VPS8: variants seen among roughly 807,000 people sequenced by gnomAD.
VPS8 encodes VPS8 subunit of CORVET complex.
In VPS8, 129 loss-of-function variants were observed where a neutral mutation model predicts 216.4. That is an observed-to-expected ratio of 0.60 (90% CI 0.52 to 0.69). The LOEUF (loss-of-function observed/expected upper bound fraction) is 0.69. Ranked by LOEUF, VPS8 falls within the 30% of genes least tolerant of loss-of-function variation. VPS8 has a pLI of 0.00. For synonymous variants in VPS8, 571 were observed against 565.4 expected (o/e 1.01, Z -0.14); for missense variants, 1,531 against 1,683.5 (o/e 0.91, Z 1.59).
chr3:184,962,691 C>A (rs971469682), intron 37 of VPS8, among the ~76,000 whole-genome samples: 1 of 148,888 alleles, frequency 6.7e-6, no homozygotes, highest in Non-Finnish European at 1.5e-5. Context: ...CTTTTAGTGA[C>A]TTCTGTTTTA....
At chr3:184,901,012 T>G in intron 25 of VPS8, 40 bp downstream of exon 25, 1 of 1,565,930 alleles carries the variant, frequency 6.4e-7, no homozygotes, top group South Asian at 1.2e-5. Flanking sequence ...CTTTCCTGTA[T>G]TTAAGGTATT....
intron 46 of VPS8, among the ~76,000 whole-genome samples, chr3:185,027,273 C>T (rs183007455): frequency 2.0e-3 from 261 of 128,846 alleles, no homozygotes; most frequent in African/African-American, 7.5e-3. Flanking sequence ...GACGGAGTCT[C>T]GCTCTGTCGC....
At chr3:184,972,098 A>C (rs898402729) in intron 40 of VPS8, among the ~76,000 whole-genome samples, 3 of 149,492 alleles carry the variant, frequency 2.0e-5, no homozygotes, top group African/African-American at 7.3e-5. Flanking sequence ...AAAAGCCTGT[A>C]CTTGTCTGAA....
chr3:184,825,855 C>G (rs1718645722), intron 2 of VPS8, among the ~76,000 whole-genome samples: 1 of 150,964 alleles, frequency 6.6e-6, no homozygotes, highest in Non-Finnish European at 1.5e-5. Context: ...GAGCTGAGAT[C>G]ACACCATTGC....
In VPS8 at chr3:184,993,963, T is replaced by TTGTA. The variant is rs1311159234; in HGVS notation, c.3586-19_3586-16dup. 5 of 1,513,690 alleles carry TTGTA rather than the reference T, an allele frequency of 3.3e-6. No individual in the cohort carries two copies. Among genetic ancestry groups the TTGTA allele is most frequent in the Non-Finnish European group, 3.6e-6 (4 of 1,126,416 alleles). 93.8% of individuals were successfully genotyped at this position (1,513,690 alleles called of 1,614,324 possible). On this transcript the variant is annotated intron_variant, in intron 42 of 47. Coordinates refer to ENST00000625842, the MANE Select transcript of VPS8 (RefSeq NM_001009921.3). The stretch of plus-strand genomic sequence containing the variant: ...TTTAAAATACAGAATTGTAACAGAA[T>TTGTA]TGTAATTTTTTCCGATTAGGATCCA...
chr3:184,897,049 G>T (rs1733629217), intron 23 of VPS8, among the ~76,000 whole-genome samples: 1 of 152,160 alleles, frequency 6.6e-6, no homozygotes, highest in African/African-American at 2.4e-5. Flanking sequence ...CTGGAGCTTG[G>T]TACAGAGGTA....
intron 46 of VPS8, among the ~76,000 whole-genome samples, chr3:185,035,142 G>A (rs1758704764): frequency 6.6e-6 from 1 of 152,070 alleles, no homozygotes; most frequent in Non-Finnish European, 1.5e-5. Flanking sequence ...AGACCAGATG[G>A]AGTCACAGCC....
At position 184,853,976 on chromosome 3, in the gene VPS8, A is replaced by G; in HGVS notation, c.941A>G (p.Gln314Arg). ...GAGTTGAAAGATCATCCCATCACAC[A>G]GTTTTCATTATTGGCCATGGCATCC... is the stretch of plus-strand genomic sequence containing the variant. ...KPELKDHPITQFSLLAMASLT... is the reference protein window; with the variant it reads ...KPELKDHPITRFSLLAMASLT... Residue 314 changes from glutamine to arginine, a missense_variant, in exon 12 of 48, where the codon CAG becomes CGG. This residue lies in a region of VPS8 where 1,318 missense variants were observed against 1,468.4 expected (regional missense o/e 0.90). Transcript: ENST00000625842. 1.2e-6 allele frequency: 2 copies of G among 1,613,744 alleles called. No individual in the cohort carries two copies. Among genetic ancestry groups the G allele is most frequent in the African/African-American group, 1.3e-5 (1 of 75,056 alleles).
At chr3:184,856,942 C>G (rs977460769) in intron 14 of VPS8, among the ~76,000 whole-genome samples, 2 of 152,178 alleles carry the variant, frequency 1.3e-5, no homozygotes, top group Non-Finnish European at 1.5e-5. Flanking sequence ...GGCTGACTCT[C>G]GAACTCCTGG....
At chr3:184,908,178 A>G (rs1735827907) in intron 25 of VPS8, among the ~76,000 whole-genome samples, 1 of 150,834 alleles carries the variant, frequency 6.6e-6, no homozygotes, top group Non-Finnish European at 1.5e-5. Flanking sequence ...GAGTTAGGGC[A>G]AAAAAAAATA....
intron 5 of VPS8, chr3:184,836,192 TAGAG>T: frequency 2.2e-6 from 1 of 449,558 alleles, no homozygotes. Flanking sequence ...TGAATTTAAA[TAGAG>T]AGATGCTCAA....
chr3:184,812,959 C>A (rs576396198), intron 1 of VPS8, among the ~76,000 whole-genome samples: 38 of 152,234 alleles, frequency 2.5e-4, no homozygotes, highest in Non-Finnish European at 4.6e-4. Flanking sequence ...AGTTGTGCAC[C>A]AGAGTGAGGG....
chr3:184,828,789 G>T (rs948812271), intron 3 of VPS8, among the ~76,000 whole-genome samples: 1 of 152,182 alleles, frequency 6.6e-6, no homozygotes, highest in African/African-American at 2.4e-5. Context: ...AATCATAAGT[G>T]TACAGTGTGG....
At chr3:184,821,469 G>T (rs945094591) in intron 1 of VPS8, among the ~76,000 whole-genome samples, 1 of 151,662 alleles carries the variant, frequency 6.6e-6, no homozygotes, top group Non-Finnish European at 1.5e-5. Context: ...TCAGCCTCCT[G>T]AGTAGCTGGG....
intron 46 of VPS8, among the ~76,000 whole-genome samples, chr3:185,047,670 A>G (rs1344530792): frequency 6.6e-6 from 1 of 152,214 alleles, no homozygotes; most frequent in Non-Finnish European, 1.5e-5. Flanking sequence ...GGCAGGCGAC[A>G]CTTTAAATAT....
chr3:185,025,002 C>CCAAAAAA (rs1757151945), intron 46 of VPS8, among the ~76,000 whole-genome samples: 1 of 149,956 alleles, frequency 6.7e-6, no homozygotes, highest in Admixed American at 6.6e-5. Flanking sequence ...AACTCCATCT[C>CCAAAAAA]AAAAAAAGAA....
At chr3:185,012,042 C>T (rs957472386) in intron 45 of VPS8, among the ~76,000 whole-genome samples, 7 of 151,880 alleles carry the variant, frequency 4.6e-5, no homozygotes, top group African/African-American at 1.7e-4. Flanking sequence ...TAGATGTCAA[C>T]AGCATTTTTA....
intron 28 of VPS8, among the ~76,000 whole-genome samples, chr3:184,918,813 A>G (rs1355950955): frequency 2.0e-5 from 3 of 152,176 alleles, no homozygotes; most frequent in Non-Finnish European, 4.4e-5. Context: ...ATGGGTGTCT[A>G]TGTATGTGTG....
At position 185,052,010 on chromosome 3, in the gene VPS8, T is replaced by G; in HGVS notation, c.4272T>G (p.Pro1424=). 2 of 1,612,386 alleles carry G rather than the reference T, an allele frequency of 1.2e-6. No homozygotes were observed. The highest frequency in any genetic ancestry group is 8.5e-7 in the Non-Finnish European group (1 of 1,179,280). ...TCCAGCTGCAGCTCATTCCTCCACC[T>G]GTGACTGAGGATTGATGACTCCATG... ...ENFQLQLIPP[P]VTED Residue 1424 remains proline (P), a synonymous_variant, in exon 48 of 48, where the codon CCT becomes CCG. Coordinates refer to ENST00000625842, the MANE Select transcript of VPS8 (RefSeq NM_001009921.3).
Sources: gnomAD v4.1 joint callset for allele counts (sites outside exome capture counted in the v4.1 genomes callset) on GRCh38, gnomAD v4.1.1 for gene constraint, gnomAD v4.1.1 regional missense constraint, MANE v1.5 for transcripts, NCBI Gene and HGNC (gene_info 2026-07-23, HGNC 2026-07-21) for gene names.